Variants in LRFN2 observed in about 807,000 individuals in gnomAD.
The protein encoded by LRFN2 is leucine rich repeat and fibronectin type III domain containing 2.
Under a neutral mutation model 37.3 loss-of-function variants are expected in LRFN2, and 18 were observed. The ratio of observed to expected loss-of-function variants is 0.48; its 90% CI spans 0.33 to 0.72. LRFN2 has a LOEUF of 0.72. LRFN2 is among the 30% of genes least tolerant of loss of function. The probability of loss-of-function intolerance (pLI) is 0.02; values close to 1 mark genes in which losing one functional copy is unlikely to be tolerated. For missense variants in LRFN2, 1,006 were observed against 1,060.7 expected, an observed-to-expected ratio of 0.95 and a Z score of 0.72; for synonymous variants, 556 against 466.6, an observed-to-expected ratio of 1.19 and a Z score of -2.47.
In LRFN2 at chr6:40,391,927, G is replaced by T. The variant is rs1486521391; in HGVS notation, c.*16C>A. On this transcript the variant is annotated 3_prime_UTR_variant, in exon 3 of 3. Transcript: ENST00000338305. ...TCCCACCCTGCGCACAGGAAAGGGA[G>T]CATGCCCACCCCCACCTAGACCGTG... The T allele has an allele frequency of 4.6e-6, 7 of 1,526,174 alleles. No homozygotes were observed. Among genetic ancestry groups the T allele is most frequent in the African/African-American group, 1.4e-5 (1 of 71,890 alleles). The allele number at this position is 1,526,174 out of a possible 1,614,324, so 94.5% of individuals were successfully genotyped here. A position where few individuals can be genotyped will look rare whatever the true frequency, so the allele number is the denominator to read the frequency against.
chr6:40,515,237 C>A (rs541775761), intron 1 of LRFN2, among the ~76,000 whole-genome samples: 1 of 152,256 alleles, frequency 6.6e-6, no homozygotes, highest in East Asian at 1.9e-4. Context: ...GGGAGGCTGG[C>A]AGGGGAATGT....
intron 1 of LRFN2, among the ~76,000 whole-genome samples, chr6:40,551,951 C>T (rs1265411121): frequency 6.6e-6 from 1 of 151,692 alleles, no homozygotes; most frequent in Non-Finnish European, 1.5e-5. Flanking sequence ...AAACTGAAGC[C>T]CAAAGAAAAA....
At chr6:40,575,656 G>A (rs1057504212) in intron 1 of LRFN2, among the ~76,000 whole-genome samples, 7 of 152,154 alleles carry the variant, frequency 4.6e-5, no homozygotes, top group Non-Finnish European at 7.4e-5. Context: ...CAGAAGTCAT[G>A]TGAGGACAAG....
intron 2 of LRFN2, among the ~76,000 whole-genome samples, chr6:40,400,376 G>C (rs928591222): frequency 6.6e-6 from 1 of 151,008 alleles, no homozygotes; most frequent in African/African-American, 2.4e-5. Context: ...GTGACTCTCA[G>C]ACACTGGCTG....
chr6:40,409,303 TGAA>T (rs1202494460), intron 2 of LRFN2, among the ~76,000 whole-genome samples: 2 of 152,184 alleles, frequency 1.3e-5, no homozygotes, highest in Non-Finnish European at 2.9e-5. Context: ...TGTGCTCTAG[TGAA>T]GAAGGTTTAC....
At chr6:40,456,799 G>C (rs1443925163) in intron 1 of LRFN2, among the ~76,000 whole-genome samples, 1 of 152,180 alleles carries the variant, frequency 6.6e-6, no homozygotes, top group Non-Finnish European at 1.5e-5. Context: ...AGAGAAAAGG[G>C]AAGGGTGAAA....
intron 1 of LRFN2, among the ~76,000 whole-genome samples, chr6:40,557,977 T>C (rs1212263544): frequency 6.6e-6 from 1 of 152,186 alleles, no homozygotes; most frequent in Non-Finnish European, 1.5e-5. Context: ...GGTTTCTAAG[T>C]TTTGGGCAAG....
intron 2 of LRFN2, among the ~76,000 whole-genome samples, chr6:40,419,675 CCT>C (rs1763177079): frequency 6.6e-6 from 1 of 152,128 alleles, no homozygotes; most frequent in Non-Finnish European, 1.5e-5. Context: ...ATCATTCCTG[CCT>C]CTGTCTCTGT....
chr6:40,457,399 C>T (rs796294291), intron 1 of LRFN2, among the ~76,000 whole-genome samples: 6 of 151,914 alleles, frequency 3.9e-5, no homozygotes, highest in African/African-American at 1.2e-4. Flanking sequence ...TTGTTAGTCA[C>T]ATGTATAAAT....
At chr6:40,493,558 T>C (rs1217476858) in intron 1 of LRFN2, among the ~76,000 whole-genome samples, 1 of 152,140 alleles carries the variant, frequency 6.6e-6, no homozygotes, top group Non-Finnish European at 1.5e-5. Flanking sequence ...CACACTACAA[T>C]GGATGAGGCC....
chr6:40,476,351 G>C (rs1283045739), intron 1 of LRFN2, among the ~76,000 whole-genome samples: 3 of 152,222 alleles, frequency 2.0e-5, no homozygotes, highest in Non-Finnish European at 1.5e-5. Flanking sequence ...GCTGCCACTA[G>C]AAATTCTCTT....
At chr6:40,529,470 G>T (rs538212979) in intron 1 of LRFN2, among the ~76,000 whole-genome samples, 216 of 152,274 alleles carry the variant, frequency 1.4e-3, no homozygotes, top group African/African-American at 5.0e-3. Context: ...TGGGCTTAAG[G>T]GAAAAGTAAC....
At chr6:40,560,137 A>G (rs895287946) in intron 1 of LRFN2, among the ~76,000 whole-genome samples, 3 of 152,212 alleles carry the variant, frequency 2.0e-5, no homozygotes, top group Non-Finnish European at 4.4e-5. Flanking sequence ...TGTCTCACAC[A>G]ATGTGGAAAA....
At chr6:40,561,084 C>G (rs1766985126) in intron 1 of LRFN2, among the ~76,000 whole-genome samples, 1 of 152,168 alleles carries the variant, frequency 6.6e-6, no homozygotes, top group Non-Finnish European at 1.5e-5. Flanking sequence ...AAGAGAGGTA[C>G]CTTCAATGGG....
chr6:40,542,729 C>T (rs972184520), intron 1 of LRFN2, among the ~76,000 whole-genome samples: 6 of 152,176 alleles, frequency 3.9e-5, no homozygotes, highest in African/African-American at 1.4e-4. Context: ...TTTGGCCCTG[C>T]TACCTCTCCC....
intron 1 of LRFN2, among the ~76,000 whole-genome samples, chr6:40,440,282 C>T (rs1763801035): frequency 6.6e-6 from 1 of 152,182 alleles, no homozygotes; most frequent in Admixed American, 6.5e-5. Flanking sequence ...GCAATGACAG[C>T]ATTATGCCTC....
At chr6:40,584,795 A>C (rs1049386971) in intron 1 of LRFN2, among the ~76,000 whole-genome samples, 18 of 151,216 alleles carry the variant, frequency 1.2e-4, no homozygotes, top group African/African-American at 4.1e-4. Flanking sequence ...GCAAACTGGC[A>C]CTTGGAGGCC....
chr6:40,471,057 G>T (rs74655671), intron 1 of LRFN2, among the ~76,000 whole-genome samples: 4,315 of 152,270 alleles, frequency 0.028, 111 homozygotes, highest in East Asian at 0.096. Flanking sequence ...GATAGGTGAG[G>T]GGCGTGGGGG....
At chr6:40,545,878 T>G (rs1265720824) in intron 1 of LRFN2, among the ~76,000 whole-genome samples, 1 of 152,164 alleles carries the variant, frequency 6.6e-6, no homozygotes, top group African/African-American at 2.4e-5. Context: ...ATAAGCTTAA[T>G]GAGGGCAGGG....
Sources: allele counts gnomAD v4.1 joint callset (sites outside exome capture counted in the v4.1 genomes callset), GRCh38; gene constraint gnomAD v4.1.1; transcripts MANE v1.5; gene names NCBI Gene and HGNC (gene_info 2026-07-23, HGNC 2026-07-21).